The following PCDHA12 variants were observed in gnomAD, a reference collection of about 807,000 sequenced individuals.
The protein encoded by PCDHA12 is protocadherin alpha-12.
In PCDHA12, 44 loss-of-function variants were observed where a neutral mutation model predicts 60.0. That is an observed-to-expected ratio of 0.73 (90% CI 0.58 to 0.94). The LOEUF (loss-of-function observed/expected upper bound fraction) is 0.94, where lower values mean the gene tolerates loss of function less well. Among genes scored for constraint, PCDHA12 ranks in the 40% least tolerant of loss-of-function variants. The pLI is 0.00. For synonymous variants in PCDHA12, 569 were observed against 553.0 expected (o/e 1.03, Z -0.40); for missense variants, 1,276 against 1,239.7 (o/e 1.03, Z -0.44).
intron 3 of PCDHA12, among the ~76,000 whole-genome samples, chr5:141,004,378 G>C (rs914260481): frequency 6.6e-6 from 1 of 152,316 alleles, no homozygotes; most frequent in South Asian, 2.1e-4. Context: ...TCTGCTCTGC[G>C]GAAGCTGGAC....
chr5:140,979,186 C>T, intron 2 of PCDHA12, 179 bp downstream of exon 2: 2 of 914,118 alleles, frequency 2.2e-6, no homozygotes, highest in Non-Finnish European at 2.6e-6. Context: ...ATGGTCAGTG[C>T]CAGATGCTTA....
intron 1 of PCDHA12, among the ~76,000 whole-genome samples, chr5:140,922,408 T>C (rs2080827805): frequency 6.6e-6 from 1 of 152,196 alleles, no homozygotes; most frequent in Non-Finnish European, 1.5e-5. Context: ...ATTAAAAAGA[T>C]CTAGGTACAG....
chr5:140,892,608 TA>T (rs1442553538), intron 1 of PCDHA12, among the ~76,000 whole-genome samples: 2 of 152,184 alleles, frequency 1.3e-5, no homozygotes, highest in African/African-American at 4.8e-5. Flanking sequence ...TTTTTCCTTT[TA>T]TTTCCAGTTG....
chr5:140,985,111 G>A (rs1252708098), intron 3 of PCDHA12, among the ~76,000 whole-genome samples: 2 of 151,892 alleles, frequency 1.3e-5, no homozygotes, highest in African/African-American at 2.4e-5. Context: ...CTAATTTTTT[G>A]TGTTTTTAGT....
chr5:140,969,117 A>G (rs1554231477), intron 1 of PCDHA12: 1 of 1,614,178 alleles, frequency 6.2e-7, no homozygotes, highest in Non-Finnish European at 8.5e-7. Context: ...GTTCGAGGGA[A>G]TGGCTCCCTC....
intron 3 of PCDHA12, among the ~76,000 whole-genome samples, chr5:140,983,739 G>T (rs983923811): frequency 5.3e-5 from 8 of 152,194 alleles, no homozygotes; most frequent in African/African-American, 1.9e-4. Context: ...TGGCTGGCTT[G>T]CAATAATCCA....
In PCDHA12 at chr5:141,003,361, G is replaced by A. The variant is rs2098120892; in HGVS notation, c.2516-6266G>A. Among the ~76,000 whole-genome samples the A allele has an allele frequency of 5.9e-5, 9 of 152,298 alleles. No individual in the cohort carries two copies. The South Asian group carries it at 1.9e-3, about 32-fold the overall frequency. On this transcript the variant is annotated intron_variant, in intron 3 of 3. Coordinates refer to ENST00000398631, the MANE Select transcript of PCDHA12 (RefSeq NM_018903.4). ...TTTGTTTGCTCTGTCACCCAGGCTG[G>A]AGTGCAGTGGTGCAATCTCAGCTCA...
rs150805116 is a variant in PCDHA12, at chr5:140,977,093, T to C, written c.2368-1856T>C. On this transcript the variant is annotated intron_variant, in intron 1 of 3. Coordinates refer to ENST00000398631, the MANE Select transcript of PCDHA12 (RefSeq NM_018903.4). ...GCAGCATGACAAATTAAATGTGTCA[T>C]TGGGGAAGTGAGATTGTATAATGAA... 6.6e-5 allele frequency among the ~76,000 whole-genome samples: 10 copies of C among 152,320 alleles called. No homozygotes were observed. The East Asian group carries it at 1.7e-3, about 26-fold the overall frequency.
chr5:140,892,516 C>T (rs1308217040), intron 1 of PCDHA12, among the ~76,000 whole-genome samples: 1 of 152,222 alleles, frequency 6.6e-6, no homozygotes, highest in East Asian at 1.9e-4. Context: ...TCCACCATGA[C>T]TGGTAGACTC....
intron 1 of PCDHA12, among the ~76,000 whole-genome samples, chr5:140,887,278 A>G (rs782205714): frequency 5.9e-5 from 9 of 151,950 alleles, no homozygotes; most frequent in Non-Finnish European, 8.8e-5. Flanking sequence ...TTGTATTTTT[A>G]GTAGAGATGG....
chr5:140,897,509 G>T (rs2153456975), intron 1 of PCDHA12, among the ~76,000 whole-genome samples: 1 of 152,062 alleles, frequency 6.6e-6, no homozygotes, highest in East Asian at 1.9e-4. Context: ...CCCTACAAAG[G>T]ACATGAACTC....
intron 1 of PCDHA12, among the ~76,000 whole-genome samples, chr5:140,925,337 A>G (rs2082438861): frequency 6.6e-6 from 1 of 152,072 alleles, no homozygotes; most frequent in South Asian, 2.1e-4. Flanking sequence ...TAAAAGAAGG[A>G]TTTGAGTGAG....
At chr5:140,949,231 C>G (rs971361200) in intron 1 of PCDHA12, among the ~76,000 whole-genome samples, 11 of 151,628 alleles carry the variant, frequency 7.3e-5, no homozygotes, top group African/African-American at 2.4e-4. Flanking sequence ...TGTTCTGTGG[C>G]CCAGCAACAG....
chr5:140,999,406 G>C (rs1459713118), intron 3 of PCDHA12, among the ~76,000 whole-genome samples: 1 of 152,166 alleles, frequency 6.6e-6, no homozygotes, highest in Non-Finnish European at 1.5e-5. Context: ...GCATATGAAA[G>C]AATGGGAGCT....
chr5:140,884,410 G>T, intron 1 of PCDHA12: 1 of 1,614,008 alleles, frequency 6.2e-7, no homozygotes, highest in South Asian at 1.1e-5. Context: ...TGGTGCTCAC[G>T]TTGCTGCTGT....
At chr5:140,882,404 G>A in intron 1 of PCDHA12, 1 of 1,614,152 alleles carries the variant, frequency 6.2e-7, no homozygotes. Context: ...CACCTTCGTG[G>A]GCCGCATCGC....
At chr5:140,995,060 A>C (rs1424126097) in intron 3 of PCDHA12, among the ~76,000 whole-genome samples, 2 of 152,204 alleles carry the variant, frequency 1.3e-5, no homozygotes, top group African/African-American at 2.4e-5. Context: ...AATTTTCAAA[A>C]ATCAACCTAC....
At chr5:140,969,045 CCAA>C in intron 1 of PCDHA12, 4 of 1,614,090 alleles carry the variant, frequency 2.5e-6, no homozygotes, top group Non-Finnish European at 3.4e-6. Flanking sequence ...TACAAACAAG[CCAA>C]CAACAATATT....
chr5:140,884,590 C>T, intron 1 of PCDHA12: 1 of 1,614,182 alleles, frequency 6.2e-7, no homozygotes, highest in Non-Finnish European at 8.5e-7. Flanking sequence ...CCTTCAGTCC[C>T]AGCCTTCCTC....
Sources: gnomAD v4.1 joint callset for allele counts (sites outside exome capture counted in the v4.1 genomes callset) on GRCh38, gnomAD v4.1.1 for gene constraint, MANE v1.5 for transcripts, NCBI Gene and HGNC (gene_info 2026-07-23, HGNC 2026-07-21) for gene names.